ATP9B: variants seen among roughly 807,000 people sequenced by gnomAD.
ATP9B encodes the protein ATPase phospholipid transporting 9B.
Under a neutral mutation model 146.1 loss-of-function variants are expected in ATP9B, and 110 were observed. The ratio of observed to expected loss-of-function variants is 0.75; its 90% CI spans 0.65 to 0.88. ATP9B has a LOEUF of 0.88. Among genes scored for constraint, ATP9B ranks in the 40% least tolerant of loss-of-function variants. The pLI is 0.00. For missense variants in ATP9B, 1,499 were observed against 1,496.4 expected (o/e 1.00, Z -0.03); for synonymous variants, 604 against 569.7 (o/e 1.06, Z -0.86).
At chr18:79,327,982 C>CGTGCTCTCCG (rs1352387568) in intron 15 of ATP9B, among the ~76,000 whole-genome samples, 9 of 9,458 alleles carry the variant, frequency 9.5e-4, no homozygotes, top group East Asian at 2.9e-3. Context: ...CGTGCTCTCT[C>CGTGCTCTCCG]TGGTTAGCGT....
intron 15 of ATP9B, among the ~76,000 whole-genome samples, chr18:79,325,168 A>T (rs921609796): frequency 6.6e-6 from 1 of 152,198 alleles, no homozygotes; most frequent in African/African-American, 2.4e-5. Flanking sequence ...AGTCTAGAGC[A>T]GGACTAGCTG....
At chr18:79,093,425 T>C (rs2074517047) in intron 1 of ATP9B, among the ~76,000 whole-genome samples, 1 of 152,242 alleles carries the variant, frequency 6.6e-6, no homozygotes. Flanking sequence ...TGAATCGATG[T>C]TCCTCTATAT....
chr18:79,334,679 T>C (rs2096811521), intron 17 of ATP9B, among the ~76,000 whole-genome samples: 1 of 152,156 alleles, frequency 6.6e-6, no homozygotes, highest in South Asian at 2.1e-4. Flanking sequence ...CCCCAGACGT[T>C]GGCCCCTTGG....
chr18:79,090,420 T>A (rs1014217914), intron 1 of ATP9B, among the ~76,000 whole-genome samples: 17 of 152,234 alleles, frequency 1.1e-4, no homozygotes, highest in African/African-American at 3.9e-4. Flanking sequence ...TTTGTCTACA[T>A]CCTTGCCAGC....
intron 13 of ATP9B, among the ~76,000 whole-genome samples, chr18:79,298,783 A>C (rs994641310): frequency 7.5e-5 from 11 of 146,452 alleles, no homozygotes; most frequent in African/African-American, 2.8e-4. Context: ...TGGGAACAGA[A>C]CATCAGTATG....
At chr18:79,289,486 C>G (rs1036773399) in intron 13 of ATP9B, among the ~76,000 whole-genome samples, 1 of 152,186 alleles carries the variant, frequency 6.6e-6, no homozygotes, top group African/African-American at 2.4e-5. Flanking sequence ...AAGCACTTCT[C>G]TGTATTGGTT....
chr18:79,349,888 C>T (rs904921715), intron 25 of ATP9B, among the ~76,000 whole-genome samples: 12 of 118,814 alleles, frequency 1.0e-4, no homozygotes, highest in African/African-American at 4.5e-4. Flanking sequence ...CCCTGGGAGG[C>T]CCCGCACCCC....
chr18:79,289,684 C>A (rs928293796), intron 13 of ATP9B, among the ~76,000 whole-genome samples: 7 of 152,190 alleles, frequency 4.6e-5, no homozygotes, highest in African/African-American at 1.7e-4. Flanking sequence ...GGAGGAGAGG[C>A]GCTCTGCTTT....
intron 20 of ATP9B, among the ~76,000 whole-genome samples, chr18:79,343,063 C>T (rs558488491): frequency 9.2e-5 from 14 of 152,302 alleles, no homozygotes; most frequent in African/African-American, 3.1e-4. Flanking sequence ...AACAGACATT[C>T]TGTGTCTGCG....
intron 6 of ATP9B, chr18:79,144,813 G>C (rs2094558308): frequency 6.6e-6 from 1 of 152,410 alleles, no homozygotes; most frequent in Non-Finnish European, 1.5e-5. Context: ...CGTGGATACA[G>C]AGGGCCAGCT....
intron 26 of ATP9B, chr18:79,372,596 A>AACAG (rs1568861859): frequency 1.5e-6 from 1 of 654,850 alleles, no homozygotes; most frequent in East Asian, 3.0e-5. Flanking sequence ...AGACAACATG[A>AACAG]ACGTCTAACC....
intron 1 of ATP9B, among the ~76,000 whole-genome samples, chr18:79,071,413 T>TTTTTTTTTG: frequency 7.0e-6 from 1 of 143,054 alleles, no homozygotes; most frequent in South Asian, 2.3e-4. Context: ...TTTTTTTTTT[T>TTTTTTTTTG]GAGACAGGGT....
intron 1 of ATP9B, among the ~76,000 whole-genome samples, chr18:79,076,668 G>A (rs564983247): frequency 1.3e-5 from 2 of 152,126 alleles, no homozygotes; most frequent in African/African-American, 4.8e-5. Context: ...GGTTTGCTTA[G>A]TATCCTAATT....
At chr18:79,187,247 G>A (rs778435513) in intron 8 of ATP9B, among the ~76,000 whole-genome samples, 3 of 152,234 alleles carry the variant, frequency 2.0e-5, no homozygotes, top group South Asian at 2.1e-4. Context: ...TGTGACTGAC[G>A]CACCTTAAAT....
chr18:79,323,460 G>C (rs919140224), intron 15 of ATP9B, among the ~76,000 whole-genome samples: 5 of 152,052 alleles, frequency 3.3e-5, no homozygotes, highest in African/African-American at 1.2e-4. Context: ...CAATGTCCCC[G>C]ATATCCTTCC....
chr18:79,157,889 TTCTC>T (rs765386085), intron 7 of ATP9B, among the ~76,000 whole-genome samples: 1 of 152,220 alleles, frequency 6.6e-6, no homozygotes, highest in East Asian at 1.9e-4. Context: ...AATTGAACTC[TTCTC>T]TCTTTTTTTC....
chr18:79,262,979 A>G lies in ATP9B; in HGVS notation c.1268+9438A>G, dbSNP rs149911697. Among the ~76,000 whole-genome samples the G allele has an allele frequency of 7.6e-3, 1,150 of 152,292 alleles. 20 individuals carry two copies. The highest frequency in any genetic ancestry group is 0.026 in the African/African-American group (1,095 of 41,562). On this transcript the variant is annotated intron_variant, in intron 12 of 29. Transcript: ENST00000426216. ...GCTTTAAAAAAATTATAGTTAACAA[A>G]TTTATTTTAATCTATCAAAAAAGTT...
chr18:79,196,590 C>T (rs1277304837), intron 9 of ATP9B, among the ~76,000 whole-genome samples: 1 of 152,210 alleles, frequency 6.6e-6, no homozygotes, highest in Non-Finnish European at 1.5e-5. Flanking sequence ...AGGCAGGCTA[C>T]TGGGACAGTG....
intron 9 of ATP9B, among the ~76,000 whole-genome samples, chr18:79,197,119 C>T (rs1171526643): frequency 6.6e-6 from 1 of 152,100 alleles, no homozygotes; most frequent in Admixed American, 6.5e-5. Context: ...AGAACTCATA[C>T]AGACAATATT....
Sources: gnomAD v4.1 joint callset for allele counts (sites outside exome capture counted in the v4.1 genomes callset) on GRCh38, gnomAD v4.1.1 for gene constraint, MANE v1.5 for transcripts, NCBI Gene and HGNC (gene_info 2026-07-23, HGNC 2026-07-21) for gene names.